The following ZNF713 variants were observed in gnomAD, a reference collection of about 807,000 sequenced individuals.
The protein encoded by ZNF713 is zinc finger protein 713.
A neutral mutation model predicts 28.7 loss-of-function variants in ZNF713; 21 were observed. The ratio of observed to expected loss-of-function variants is 0.73; its 90% CI spans 0.52 to 1.05. The LOEUF is 1.05. Among genes scored for constraint, ZNF713 ranks in the 50% least tolerant of loss-of-function variants. The probability of loss-of-function intolerance (pLI) is 0.00; values close to 1 mark genes in which losing one functional copy is unlikely to be tolerated. For synonymous variants in ZNF713, 167 were observed against 178.0 expected (o/e 0.94, Z 0.49); for missense variants, 458 against 532.4 (o/e 0.86, Z 1.37).
intron 1 of ZNF713, among the ~76,000 whole-genome samples, chr7:55,891,707 A>G (rs924845174): frequency 6.6e-6 from 1 of 151,286 alleles, no homozygotes; most frequent in Non-Finnish European, 1.5e-5. Flanking sequence ...CAAAAACATA[A>G]ATAAACAGAA....
chr7:55,892,535 G>T (rs1293399332), intron 1 of ZNF713, among the ~76,000 whole-genome samples: 1 of 101,984 alleles, frequency 9.8e-6, no homozygotes, highest in African/African-American at 4.0e-5. Flanking sequence ...CCCTCTGAAG[G>T]TTTGCTGAAA....
At chr7:55,912,572 A>G in intron 3 of ZNF713, 63 bp from the exon 4 acceptor site, 1 of 1,223,946 alleles carries the variant, frequency 8.2e-7, no homozygotes, top group South Asian at 1.3e-5. Flanking sequence ...ACAAAGCAGA[A>G]TCTCCAGGAT....
intron 4 of ZNF713, among the ~76,000 whole-genome samples, chr7:55,920,764 AT>A (rs1249458336): frequency 1.3e-5 from 1 of 78,996 alleles, no homozygotes. Flanking sequence ...GACTTTATTT[AT>A]TTATTTATTT....
In ZNF713 at chr7:55,899,145, A is replaced by C. The variant is rs548284658; in HGVS notation, c.-582-7108A>C. On this transcript the variant is annotated intron_variant, in intron 1 of 6. Coordinates refer to ENST00000429591, the MANE Select transcript of ZNF713 (RefSeq NM_182633.3). ...GAGGCGGGCAGATCACAGGGTCAGG[A>C]GATGGAGACCATCCTGGCTAATACG... 2.0e-5 allele frequency among the ~76,000 whole-genome samples: 3 copies of C among 150,080 alleles called. No individual in the cohort carries two copies. The East Asian group carries it at 6.0e-4, about 30-fold the overall frequency.
intron 1 of ZNF713, among the ~76,000 whole-genome samples, chr7:55,898,121 TAAAC>T (rs1785507828): frequency 1.3e-5 from 2 of 152,360 alleles, no homozygotes; most frequent in East Asian, 3.9e-4. Context: ...ATTAAGGACT[TAAAC>T]AGAAGACCTG....
intron 2 of ZNF713, among the ~76,000 whole-genome samples, chr7:55,910,097 G>T (rs1174873115): frequency 1.3e-5 from 2 of 151,830 alleles, no homozygotes; most frequent in African/African-American, 4.8e-5. Flanking sequence ...GCAGGCTCAA[G>T]CTATCCTCCC....
chr7:55,927,915 A>AGAAAAG (rs1786133187), intron 6 of ZNF713, among the ~76,000 whole-genome samples: 1 of 148,020 alleles, frequency 6.8e-6, no homozygotes, highest in Non-Finnish European at 1.5e-5. Context: ...AAAAAAAAAA[A>AGAAAAG]AAAAAGCCAC....
intron 6 of ZNF713, among the ~76,000 whole-genome samples, chr7:55,937,942 G>A (rs1786386340): frequency 6.6e-6 from 1 of 151,816 alleles, no homozygotes; most frequent in Non-Finnish European, 1.5e-5. Context: ...GGTGGCTCAT[G>A]CCTATAATCT....
At position 55,910,955 on chromosome 7, in the gene ZNF713, G is replaced by A. The variant is rs113386435; in HGVS notation, c.-455-661G>A. ...AGTTGCCCATCTTGGGGAAAAACCC[G>A]TCTGCTTCTCCTGACTGTGGGGCTT... On this transcript the variant is annotated intron_variant, in intron 2 of 6. Transcript: ENST00000429591. Among the ~76,000 whole-genome samples the A allele has an allele frequency of 4.7e-3, 715 of 152,306 alleles. 4 individuals are homozygous for A. Among genetic ancestry groups the A allele is most frequent in the Middle Eastern group, 0.017 (5 of 294 alleles).
At chr7:55,928,530 AT>A (rs1320282595) in intron 6 of ZNF713, among the ~76,000 whole-genome samples, 18 of 152,266 alleles carry the variant, frequency 1.2e-4, no homozygotes, top group African/African-American at 4.1e-4. Flanking sequence ...TGAGTTGGAG[AT>A]TTCTTAACGT....
At chr7:55,929,070 C>T (rs66528253) in intron 6 of ZNF713, among the ~76,000 whole-genome samples, 43,590 of 151,764 alleles carry the variant, frequency 0.29, 6,662 homozygotes, top group Middle Eastern at 0.38. Context: ...CCCTGGATGT[C>T]GAGGCTGCAG....
intron 1 of ZNF713, among the ~76,000 whole-genome samples, chr7:55,888,154 CG>C (rs1465359133): frequency 6.6e-6 from 1 of 152,008 alleles, no homozygotes; most frequent in Non-Finnish European, 1.5e-5. Context: ...ATTATGCAAA[CG>C]TTCGGCTTTA....
intron 1 of ZNF713, among the ~76,000 whole-genome samples, chr7:55,899,340 G>C (rs1421449784): frequency 3.3e-5 from 4 of 119,868 alleles, no homozygotes; most frequent in Admixed American, 1.0e-4. Flanking sequence ...CTAGGTGACA[G>C]AGCGAGATTC....
intron 1 of ZNF713, among the ~76,000 whole-genome samples, chr7:55,905,937 A>G (rs1235177543): frequency 6.6e-6 from 1 of 152,014 alleles, no homozygotes; most frequent in East Asian, 2.0e-4. Flanking sequence ...CCCCGTCTCT[A>G]CTAAAAATAC....
intron 6 of ZNF713, among the ~76,000 whole-genome samples, chr7:55,932,069 A>T (rs563270103): frequency 3.3e-5 from 5 of 152,372 alleles, no homozygotes; most frequent in Admixed American, 2.0e-4. Context: ...GGTTGAAATA[A>T]TACATCGGTT....
intron 1 of ZNF713, among the ~76,000 whole-genome samples, chr7:55,887,953 T>G (rs1175068658): frequency 1.3e-5 from 2 of 149,304 alleles, no homozygotes; most frequent in Admixed American, 1.3e-4. Flanking sequence ...CTGTCCCCAT[T>G]CCTGTCACCC....
Position 55,905,996 on chromosome 7 carries a change from G to A in ZNF713, c.-582-257G>A, listed in dbSNP as rs7787869. Among the ~76,000 whole-genome samples the A allele has an allele frequency of 7.8e-3, 1,191 of 151,994 alleles. 15 individuals carry two copies. Among genetic ancestry groups the A allele is most frequent in the African/African-American group, 0.027 (1,138 of 41,436 alleles). Reference sequence around the variant, plus strand: ...ACACGCCTGTAGTCCCAGCTATTTGGGAGGCTGAGGCAGAAAAATCACTTG... The same window carrying A: ...ACACGCCTGTAGTCCCAGCTATTTGAGAGGCTGAGGCAGAAAAATCACTTG... On this transcript the variant is annotated intron_variant, in intron 1 of 6. Transcript: ENST00000429591.
At chr7:55,917,455 T>C (rs938435105) in intron 4 of ZNF713, among the ~76,000 whole-genome samples, 2 of 151,534 alleles carry the variant, frequency 1.3e-5, no homozygotes, top group African/African-American at 2.4e-5. Context: ...ATCCCAGCAC[T>C]TTGGGAGGCT....
chr7:55,898,917 A>G (rs1785521332), intron 1 of ZNF713, among the ~76,000 whole-genome samples: 1 of 152,188 alleles, frequency 6.6e-6, no homozygotes, highest in Admixed American at 6.5e-5. Flanking sequence ...GAGAGCACTC[A>G]CCCCTGTTAG....
Sources: gnomAD v4.1 joint callset for allele counts (sites outside exome capture counted in the v4.1 genomes callset) on GRCh38, gnomAD v4.1.1 for gene constraint, MANE v1.5 for transcripts, NCBI Gene and HGNC (gene_info 2026-07-23, HGNC 2026-07-21) for gene names.